FAM178B: variants seen among roughly 807,000 people sequenced by gnomAD.
FAM178B encodes the protein family with sequence similarity 178 member B, also known as protein FAM178B.
FAM178B carries 82 observed loss-of-function variants against 91.7 expected under a neutral mutation model. That is an observed-to-expected ratio of 0.89 (90% CI 0.75 to 1.07). The LOEUF (loss-of-function observed/expected upper bound fraction) is 1.07. Among genes scored for constraint, FAM178B ranks in the 50% least tolerant of loss-of-function variants. FAM178B has a pLI of 0.00. For synonymous variants in FAM178B, 368 were observed against 359.4 expected, an observed-to-expected ratio of 1.02 and a Z score of -0.27; for missense variants, 769 against 846.7, an observed-to-expected ratio of 0.91 and a Z score of 1.14.
intron 6 of FAM178B, among the ~76,000 whole-genome samples, chr2:96,958,312 C>T (rs1273059788): frequency 1.3e-5 from 2 of 152,062 alleles, no homozygotes; most frequent in East Asian, 1.9e-4. Flanking sequence ...CCTCATGATC[C>T]GCCCGCCTCG....
At position 96,878,035 on chromosome 2, in the gene FAM178B, A is replaced by T; in HGVS notation, c.1862T>A (p.Leu621Gln). The T allele has an allele frequency of 6.2e-7, 1 of 1,609,698 alleles. No homozygotes were observed. Among genetic ancestry groups the T allele is most frequent in the Non-Finnish European group, 8.5e-7 (1 of 1,179,998 alleles). Residue 621 changes from leucine (L) to glutamine (Q), a missense_variant, in exon 16 of 17, where the codon CTG (leucine) becomes CAG (glutamine). By Grantham distance (113) the Leu-to-Gln change is moderately radical. Transcript: ENST00000490605. Reference sequence around the variant, plus strand: ...GTCCAACTGCATGCACAGCAGCTGCAGCTCGCCCTGTGGAGGCGGAGGGAG... The same window carrying T: ...GTCCAACTGCATGCACAGCAGCTGCTGCTCGCCCTGTGGAGGCGGAGGGAG... ...QDITPDQWGE[L>Q]QLLCMQLDRH...
intron 5 of FAM178B, among the ~76,000 whole-genome samples, chr2:96,962,958 T>C (rs899369793): frequency 2.6e-5 from 4 of 152,200 alleles, no homozygotes; most frequent in Admixed American, 1.3e-4. Flanking sequence ...GAATGACTTT[T>C]GTAAAGCAGA....
rs2080289019 is a variant in FAM178B at position 96,878,015 on chromosome 2, A to G, written c.1882T>C (p.Leu628=). The change falls in exon 16 of 17, where the codon TTG becomes CTG. Residue 628 remains leucine (L), a synonymous_variant. Coordinates refer to ENST00000490605, the MANE Select transcript of FAM178B (RefSeq NM_001122646.3). ...WGELQLLCMQ[L]DRHISTQIRE... ...ATCTGCGTGCTGATGTGGCGGTCCA[A>G]CTGCATGCACAGCAGCTGCAGCTCG... The G allele has an allele frequency of 1.2e-6, 2 of 1,611,670 alleles. No individual in the cohort carries two copies. Among genetic ancestry groups the G allele is most frequent in the African/African-American group, 1.3e-5 (1 of 74,928 alleles).
intron 16 of FAM178B, 26 bp downstream of exon 16, chr2:96,877,864 G>A (rs2080283747): frequency 6.2e-7 from 1 of 1,608,610 alleles, no homozygotes; most frequent in East Asian, 2.2e-5. Flanking sequence ...GCCCCTCCCA[G>A]GTCTGGGGGC....
chr2:96,875,898 C>T lies in FAM178B; in HGVS notation c.*378G>A. 1 of 265,386 alleles carries T rather than the reference C, an allele frequency of 3.8e-6. No homozygotes were observed. Among genetic ancestry groups the T allele is most frequent in the South Asian group, 5.8e-5 (1 of 17,138 alleles). 16.4% of individuals were successfully genotyped at this position (265,386 alleles called of 1,614,324 possible). A position where few individuals can be genotyped will look rare whatever the true frequency, so the allele number is the denominator to read the frequency against. ...CTAAACCACTGATGCTGAAAGAAGACTTTAATGTGCACAAAGAAACCTCAC... is the reference window on the plus strand; with the variant it reads ...CTAAACCACTGATGCTGAAAGAAGATTTTAATGTGCACAAAGAAACCTCAC... On this transcript the variant is annotated 3_prime_UTR_variant, in exon 17 of 17. Coordinates refer to ENST00000490605, the MANE Select transcript of FAM178B (RefSeq NM_001122646.3).
chr2:96,921,564 C>T lies in FAM178B; in HGVS notation c.1378G>A (p.Asp460Asn). Residue 460 changes from aspartate (D) to asparagine (N), a missense_variant, in exon 11 of 17, where the codon GAC (aspartate) becomes AAC (asparagine). Physicochemically the swap from Asp to Asn is conservative, Grantham distance 23. Coordinates refer to ENST00000490605, the MANE Select transcript of FAM178B (RefSeq NM_001122646.3). Reference protein sequence around the residue: ...LIELLCRTSLDVGLRLLPKVD... With the variant: ...LIELLCRTSLNVGLRLLPKVD... ...TTGGGCAGCAGGCGGAGCCCCACGT[C>T]CAGGCTGGTGCGGCACAGCAGCTCA... is the stretch of plus-strand genomic sequence containing the variant. 2.6e-6 allele frequency: 4 copies of T among 1,551,738 alleles called. No individual in the cohort carries two copies. Among genetic ancestry groups the T allele is most frequent in the Non-Finnish European group, 2.6e-6 (3 of 1,147,012 alleles).
At chr2:96,941,268 G>A (rs573310877) in intron 8 of FAM178B, among the ~76,000 whole-genome samples, 1 of 152,304 alleles carries the variant, frequency 6.6e-6, no homozygotes, top group East Asian at 1.9e-4. Context: ...ACTTGGTACA[G>A]AGAGTAGTTT....
chr2:96,890,893 C>A (rs974574598), intron 14 of FAM178B, among the ~76,000 whole-genome samples: 1 of 152,242 alleles, frequency 6.6e-6, no homozygotes, highest in African/African-American at 2.4e-5. Flanking sequence ...TCACTCCAAA[C>A]CAGATGTTTA....
chr2:96,876,549 C>T (rs1011756764), intron 16 of FAM178B, among the ~76,000 whole-genome samples: 5 of 152,186 alleles, frequency 3.3e-5, no homozygotes, highest in African/African-American at 4.8e-5. Context: ...TCCTTCTTCT[C>T]GTGACAAGCA....
At chr2:96,962,808 T>C (rs574976247) in intron 5 of FAM178B, among the ~76,000 whole-genome samples, 153 of 152,334 alleles carry the variant, frequency 1.0e-3, no homozygotes, top group African/African-American at 3.6e-3. Context: ...GTCCTTTCTG[T>C]GACGGGCAGT....
rs377081384 is a variant in FAM178B at position 96,981,740 on chromosome 2, C to CAAAAA, written c.73+4496_73+4500dup. Among the ~76,000 whole-genome samples the CAAAAA allele has an allele frequency of 3.2e-3, 59 of 18,676 alleles. 2 individuals are homozygous for CAAAAA. Among genetic ancestry groups the CAAAAA allele is most frequent in the African/African-American group, 8.4e-3 (57 of 6,782 alleles). 12.3% of individuals were successfully genotyped at this position (18,676 alleles called of 152,430 possible). A position where few individuals can be genotyped will look rare whatever the true frequency, so the allele number is the denominator to read the frequency against. ...TGGGTGACAGAGTGAGACTCCGTCTCAAAAAAAAAAAAAAAAAAAAAAGAA... is the reference window on the plus strand; with the variant it reads ...TGGGTGACAGAGTGAGACTCCGTCTCAAAAAAAAAAAAAAAAAAAAAAAAAAAGAA... On this transcript the variant is annotated intron_variant, in intron 1 of 16. Coordinates refer to ENST00000490605, the MANE Select transcript of FAM178B (RefSeq NM_001122646.3).
intron 4 of FAM178B, among the ~76,000 whole-genome samples, chr2:96,970,383 G>C (rs1056913800): frequency 6.6e-6 from 1 of 152,196 alleles, no homozygotes; most frequent in South Asian, 2.1e-4. Context: ...GTAACCCTCA[G>C]CCACAAAACA....
intron 13 of FAM178B, among the ~76,000 whole-genome samples, chr2:96,894,736 C>T (rs1333740315): frequency 5.1e-4 from 44 of 86,944 alleles, no homozygotes; most frequent in African/African-American, 1.9e-3. Context: ...CCTACATACA[C>T]ACCCACTCAC....
At chr2:96,962,609 G>A (rs2082097381) in intron 5 of FAM178B, among the ~76,000 whole-genome samples, 1 of 152,074 alleles carries the variant, frequency 6.6e-6, no homozygotes, top group South Asian at 2.1e-4. Context: ...ATCTAATTGG[G>A]GATTTCCTGT....
intron 1 of FAM178B, among the ~76,000 whole-genome samples, chr2:96,979,912 T>C (rs2082339810): frequency 6.6e-6 from 1 of 152,208 alleles, no homozygotes; most frequent in South Asian, 2.1e-4. Flanking sequence ...AGGGAATAGG[T>C]ATGTCCATTA....
intron 8 of FAM178B, among the ~76,000 whole-genome samples, chr2:96,941,440 A>C (rs1483274255): frequency 1.3e-5 from 2 of 152,224 alleles, no homozygotes; most frequent in African/African-American, 4.8e-5. Flanking sequence ...AGAATGCAAC[A>C]GGCAACGGCA....
intron 12 of FAM178B, among the ~76,000 whole-genome samples, chr2:96,907,657 TCA>T (rs1385300767): frequency 3.3e-5 from 5 of 152,220 alleles, no homozygotes; most frequent in Non-Finnish European, 7.3e-5. Context: ...ACTGAGACAT[TCA>T]CAAATGACTT....
intron 13 of FAM178B, among the ~76,000 whole-genome samples, chr2:96,900,134 G>A (rs369665640): frequency 3.3e-5 from 5 of 152,030 alleles, no homozygotes; most frequent in African/African-American, 7.2e-5. Flanking sequence ...CACCTGTGTC[G>A]CGCCCCCTCT....
chr2:96,878,278 C>G (rs1291732374), intron 15 of FAM178B, 138 bp downstream of exon 15: 1 of 899,382 alleles, frequency 1.1e-6, no homozygotes, highest in East Asian at 2.6e-5. Flanking sequence ...GGCTCTCCCA[C>G]GCTGGCTTCC....
Sources: allele counts gnomAD v4.1 joint callset (sites outside exome capture counted in the v4.1 genomes callset), GRCh38; gene constraint gnomAD v4.1.1; transcripts MANE v1.5; gene names NCBI Gene and HGNC (gene_info 2026-07-23, HGNC 2026-07-21).